GPHN: variants seen among roughly 807,000 people sequenced by gnomAD.
GPHN encodes the protein gephyrin.
In GPHN, 17 loss-of-function variants were observed where a neutral mutation model predicts 95.5. That is an observed-to-expected ratio of 0.18 (90% CI 0.12 to 0.27). The LOEUF is 0.27. GPHN is among the 10% of genes least tolerant of loss of function. GPHN has a pLI of 1.00. For missense variants in GPHN, 660 were observed against 978.1 expected, an observed-to-expected ratio of 0.67 and a Z score of 4.34; for synonymous variants, 320 against 322.5, an observed-to-expected ratio of 0.99 and a Z score of 0.08.
chr14:67,094,622 A>G (rs912984113), intron 12 of GPHN, among the ~76,000 whole-genome samples: 4 of 152,088 alleles, frequency 2.6e-5, no homozygotes, highest in African/African-American at 4.8e-5. Flanking sequence ...TCTCCTACCT[A>G]AACTTGTAGA....
chr14:67,135,369 T>C (rs112014762), intron 17 of GPHN, among the ~76,000 whole-genome samples: 81 of 152,322 alleles, frequency 5.3e-4, no homozygotes, highest in African/African-American at 1.7e-3. Context: ...ATTTTTTCAT[T>C]TACAGTCATT....
chr14:67,066,548 A>G (rs1276101471), intron 11 of GPHN, among the ~76,000 whole-genome samples: 1 of 152,112 alleles, frequency 6.6e-6, no homozygotes, highest in African/African-American at 2.4e-5. Flanking sequence ...CATTCTCCCT[A>G]TCACTTTGAA....
At chr14:67,602,302 C>T in the GPHN span, among the ~76,000 whole-genome samples, 15,063 of 152,160 alleles carry the variant, frequency 0.099, 798 homozygotes, top group East Asian at 0.14. Context: ...CTCAGCATCA[C>T]GAGACCAGCA....
At chr14:66,610,938 T>C (rs2062754402) in intron 1 of GPHN, among the ~76,000 whole-genome samples, 1 of 152,046 alleles carries the variant, frequency 6.6e-6, no homozygotes, top group Non-Finnish European at 1.5e-5. Flanking sequence ...AAGAATGCAA[T>C]TAGATATCCA....
At position 66,922,676 on chromosome 14, in the gene GPHN, A is replaced by G; in HGVS notation, c.467A>G (p.Gln156Arg). The G allele has an allele frequency of 6.2e-7, 1 of 1,612,374 alleles. No homozygotes were observed. Among genetic ancestry groups the G allele is most frequent in the South Asian group, 1.1e-5 (1 of 90,956 alleles). ...GSKKGSQECF[Q>R]FILPALPHAI... ...TTCTCTTGCATACAGGAATGCTTTC[A>G]ATTCATACTGCCAGCTCTACCTCAT... The change falls in exon 7 of 23, where the codon CAA (glutamine) becomes CGA (arginine). Residue 156 changes from glutamine to arginine, a missense_variant. Coordinates refer to ENST00000478722, the MANE Select transcript of GPHN (RefSeq NM_020806.5).
At chr14:66,991,289 G>T (rs181796186) in intron 9 of GPHN, among the ~76,000 whole-genome samples, 1 of 152,106 alleles carries the variant, frequency 6.6e-6, no homozygotes, top group East Asian at 1.9e-4. Context: ...CTACCTTAAT[G>T]ACTACAAAAA....
At chr14:67,583,950 G>A in the GPHN span, 55 of 1,612,552 alleles carry the variant, frequency 3.4e-5, no homozygotes, top group East Asian at 4.5e-5. Flanking sequence ...ATGAAGACAC[G>A]TCGGCACTTC....
chr14:66,686,512 A>G (rs933023127), intron 2 of GPHN, among the ~76,000 whole-genome samples: 20 of 152,136 alleles, frequency 1.3e-4, no homozygotes, highest in African/African-American at 4.3e-4. Context: ...CTTTGTAGCA[A>G]TTGTGAATGG....
chr14:66,791,826 A>G (rs1322571297), intron 3 of GPHN, among the ~76,000 whole-genome samples: 1 of 152,174 alleles, frequency 6.6e-6, no homozygotes, highest in African/African-American at 2.4e-5. Flanking sequence ...TAAGTGTATT[A>G]GTCCATTCTC....
At chr14:66,813,659 A>T (rs568125793) in intron 3 of GPHN, among the ~76,000 whole-genome samples, 1 of 152,320 alleles carries the variant, frequency 6.6e-6, no homozygotes, top group East Asian at 1.9e-4. Context: ...TTGGTGCAGA[A>T]GTAACTGTAG....
At chr14:67,657,069 C>A in the GPHN span, 1 of 152,586 alleles carries the variant, frequency 6.6e-6, no homozygotes, top group East Asian at 1.9e-4. Flanking sequence ...TGAGGATTGA[C>A]GGACCATGAA....
chr14:67,055,628 C>T (rs1201120418), intron 10 of GPHN, among the ~76,000 whole-genome samples: 1 of 152,200 alleles, frequency 6.6e-6, no homozygotes, highest in Non-Finnish European at 1.5e-5. Context: ...CATTTATTCA[C>T]AATAGCAAAG....
intron 1 of GPHN, among the ~76,000 whole-genome samples, chr14:66,578,040 A>C (rs1163455496): frequency 3.3e-5 from 5 of 151,948 alleles, no homozygotes; most frequent in Non-Finnish European, 5.9e-5. Flanking sequence ...TGATTTATGA[A>C]AATTAACAAT....
chr14:67,578,253 G>A, the GPHN span: 1 of 1,488,030 alleles, frequency 6.7e-7, no homozygotes, highest in Non-Finnish European at 9.3e-7. The surrounding 1 kb of genome is among the most constrained non-coding windows in gnomAD (Gnocchi z 5.0). Context: ...AGGGCTGCCA[G>A]GTGGGAAAGG....
At chr14:67,027,279 T>A (rs577158763) in intron 10 of GPHN, among the ~76,000 whole-genome samples, 2 of 152,278 alleles carry the variant, frequency 1.3e-5, no homozygotes, top group East Asian at 3.9e-4. Flanking sequence ...ATAAAAAAAT[T>A]TTACAGATGA....
At chr14:66,657,806 A>G (rs1228735147) in intron 1 of GPHN, among the ~76,000 whole-genome samples, 2 of 152,184 alleles carry the variant, frequency 1.3e-5, no homozygotes, top group East Asian at 3.8e-4. Flanking sequence ...GTCAGCCAAG[A>G]GCTCTGATGA....
the GPHN span, among the ~76,000 whole-genome samples, chr14:67,222,655 C>T: frequency 1.3e-5 from 2 of 152,088 alleles, no homozygotes; most frequent in Non-Finnish European, 2.9e-5. Context: ...GAATCTTTAG[C>T]CTGTAACGAA....
At chr14:66,561,555 G>T (rs962894819) in intron 1 of GPHN, among the ~76,000 whole-genome samples, 1 of 152,090 alleles carries the variant, frequency 6.6e-6, no homozygotes, top group African/African-American at 2.4e-5. Flanking sequence ...TTGGTGCCCA[G>T]ATGTTGAAGA....
chr14:67,597,040 T>G, the GPHN span, among the ~76,000 whole-genome samples: 3 of 152,262 alleles, frequency 2.0e-5, no homozygotes, highest in Non-Finnish European at 4.4e-5. Context: ...ATCTGTAAAC[T>G]ATTTGGGCCT....
Sources: allele counts gnomAD v4.1 joint callset (sites outside exome capture counted in the v4.1 genomes callset), GRCh38; gene constraint gnomAD v4.1.1; non-coding constraint Gnocchi (gnomAD v3.1); transcripts MANE v1.5; gene names NCBI Gene and HGNC (gene_info 2026-07-23, HGNC 2026-07-21).